Variants in NFRKB observed in about 807,000 individuals in gnomAD.
NFRKB encodes nuclear factor related to kappa-B-binding protein.
In NFRKB, 62 loss-of-function variants were observed where a neutral mutation model predicts 135.7. The observed-to-expected ratio is 0.46, with a 90% CI of 0.37 to 0.56. NFRKB has a LOEUF of 0.56. Among genes scored for constraint, NFRKB ranks in the 20% least tolerant of loss-of-function variants. NFRKB has a pLI of 0.00. For missense variants in NFRKB, 1,545 were observed against 1,662.0 expected, an observed-to-expected ratio of 0.93 and a Z score of 1.22; for synonymous variants, 678 against 635.6, an observed-to-expected ratio of 1.07 and a Z score of -1.00.
Position 129,879,248 on chromosome 11 carries a change from C to T in NFRKB, c.1385-705G>A, listed in dbSNP as rs530572876. 6.6e-5 allele frequency among the ~76,000 whole-genome samples: 10 copies of T among 152,338 alleles called. No individual in the cohort carries two copies. The South Asian group carries it at 1.0e-3, about 16-fold the overall frequency. Reference sequence around the variant, plus strand: ...TACCTTTGTTTTCATGGTCAATACACAATATCACTATTTGCAGAAACCTCC... The same window carrying T: ...TACCTTTGTTTTCATGGTCAATACATAATATCACTATTTGCAGAAACCTCC... On this transcript the variant is annotated intron_variant, in intron 13 of 26. Coordinates refer to ENST00000682444, the MANE Select transcript of NFRKB (RefSeq NM_001143835.2).
intron 22 of NFRKB, 112 bp downstream of exon 22, chr11:129,873,633 T>C (rs1251445254): frequency 6.5e-6 from 9 of 1,387,450 alleles, no homozygotes; most frequent in Non-Finnish European, 8.9e-6. Flanking sequence ...TCATCACCAG[T>C]AGCAATAATC....
Position 129,881,470 on chromosome 11 carries a change from C to G in NFRKB, c.1357G>C (p.Glu453Gln). ...SSFSPFVEFK[E>Q]KTQQWKLLGQ... ...AGCAACTTCCACTGCTGGGTTTTCTCTTTGAATTCAACAAATGGAGAGAAA... is the reference window on the plus strand; with the variant it reads ...AGCAACTTCCACTGCTGGGTTTTCTGTTTGAATTCAACAAATGGAGAGAAA... Residue 453 changes from glutamate (E) to glutamine (Q), a missense_variant, in exon 13 of 27, where the codon GAG becomes CAG. Around this residue, in one of 3 missense-constraint regions of NFRKB, gnomAD observed 678 missense variants for 646.7 expected, o/e 1.05. Transcript: ENST00000682444. 1 of 1,614,134 alleles carries G rather than the reference C, an allele frequency of 6.2e-7. No individual in the cohort carries two copies. Among genetic ancestry groups the G allele is most frequent in the Non-Finnish European group, 8.5e-7 (1 of 1,180,034 alleles).
chr11:129,874,112 C>A lies in NFRKB; in HGVS notation c.2279+1G>T. 1 of 1,552,504 alleles carries A rather than the reference C, an allele frequency of 6.4e-7. No individual in the cohort carries two copies. The highest frequency in any genetic ancestry group is 8.7e-7 in the Non-Finnish European group (1 of 1,148,868). ...AAAGCTGAAGAAAAGGAGGAACTTA[C>A]CCCGAGCTAGACTTAGCTGGTTCTG... On this transcript the variant is annotated splice_donor_variant, in intron 21 of 26. Coordinates refer to ENST00000682444, the MANE Select transcript of NFRKB (RefSeq NM_001143835.2). LOFTEE classifies it high-confidence loss of function. The surrounding 1 kb of genome is among the most constrained non-coding windows in gnomAD (Gnocchi z 4.5).
chr11:129,892,508 A>C (rs779136699), intron 3 of NFRKB, among the ~76,000 whole-genome samples: 25 of 152,342 alleles, frequency 1.6e-4, no homozygotes, highest in Admixed American at 2.6e-4. Flanking sequence ...GTTATTAAAC[A>C]TGCGGAACGT....
At chr11:129,870,346 G>A in intron 23 of NFRKB, 85 bp from the exon 24 acceptor site, 3 of 1,438,356 alleles carry the variant, frequency 2.1e-6, no homozygotes, top group Non-Finnish European at 1.9e-6. Flanking sequence ...CCGTTTCATG[G>A]GTAGATGTTT....
At chr11:129,884,315 A>AAT (rs1406463072) in intron 7 of NFRKB, among the ~76,000 whole-genome samples, 172 bp from the exon 8 acceptor site, 4 of 152,204 alleles carry the variant, frequency 2.6e-5, no homozygotes, top group Admixed American at 6.5e-5. Flanking sequence ...ATACGTTGGT[A>AAT]ATATATGACT....
At chr11:129,878,050 TA>T (rs1221544683) in intron 15 of NFRKB, among the ~76,000 whole-genome samples, 1 of 151,934 alleles carries the variant, frequency 6.6e-6, no homozygotes, top group African/African-American at 2.4e-5. Flanking sequence ...GAGTACACAT[TA>T]AAAAAGTATG....
chr11:129,869,723 G>C lies in NFRKB; in HGVS notation c.3302C>G (p.Ala1101Gly), dbSNP rs145560610. The C allele has an allele frequency of 6.2e-7, 1 of 1,614,250 alleles. No homozygotes were observed. Among genetic ancestry groups the C allele is most frequent in the African/African-American group, 1.3e-5 (1 of 75,064 alleles). The stretch of plus-strand genomic sequence containing the variant: ...GGTTGCAACGGTGATGGTCTGGCCT[G>C]CTTTGGGAGGCATCACTCCCAGTCC... ...VQGLGVMPPK[A>G]GQTITVATHA... Residue 1101 changes from alanine to glycine, a missense_variant, in exon 24 of 27, where the codon GCA becomes GGA. This residue lies in a region of NFRKB where 753 missense variants were observed against 804.3 expected (regional missense o/e 0.94). Transcript: ENST00000682444.
intron 2 of NFRKB, chr11:129,893,487 G>A (rs1949652406): frequency 8.5e-6 from 2 of 236,058 alleles, no homozygotes; most frequent in Non-Finnish European, 8.7e-6. Flanking sequence ...TTGAACACGA[G>A]ATGCAGAGGG....
intron 3 of NFRKB, among the ~76,000 whole-genome samples, 176 bp downstream of exon 3, chr11:129,892,539 C>A (rs958889766): frequency 1.3e-5 from 2 of 151,876 alleles, no homozygotes; most frequent in African/African-American, 2.4e-5. Context: ...CTTCCTTAAT[C>A]GGATATTAAA....
Position 129,870,052 on chromosome 11 carries a change from G to A in NFRKB, c.2973C>T (p.Thr991=), listed in dbSNP as rs763536605. 6.2e-7 allele frequency: 1 copy of A among 1,614,222 alleles called. No homozygotes were observed. The change falls in exon 24 of 27, where the codon ACC becomes ACT. Residue 991 remains threonine, a synonymous_variant. Transcript: ENST00000682444. ...TGCCTCCTGTCCCGAAGAGGTCCTG[G>A]GTCAATTTGACTGTGGTAACCTGGG... is the stretch of plus-strand genomic sequence containing the variant. ...AKSQVTTVKL[T]QDLFGTGGNT...
intron 11 of NFRKB, 79 bp downstream of exon 11, chr11:129,882,007 A>T: frequency 6.9e-7 from 1 of 1,452,324 alleles, no homozygotes. Context: ...TCAGAGTTCC[A>T]CTTCTCAAGC....
At chr11:129,883,393 G>A (rs1234953103) in intron 8 of NFRKB, among the ~76,000 whole-genome samples, 187 bp from the exon 9 acceptor site, 3 of 152,122 alleles carry the variant, frequency 2.0e-5, no homozygotes, top group Admixed American at 2.0e-4. Flanking sequence ...ACTTGATACT[G>A]CTGCACAGAA....
intron 24 of NFRKB, among the ~76,000 whole-genome samples, chr11:129,866,379 A>T (rs1168856716): frequency 2.6e-5 from 4 of 152,104 alleles, no homozygotes. Flanking sequence ...TGGGCACACA[A>T]TCACTATTTG....
Position 129,876,955 on chromosome 11 carries a change from T to G in NFRKB, c.1573-60A>C. On this transcript the variant is annotated intron_variant, in intron 16 of 26. Transcript: ENST00000682444. ...GAATTAGTGGGGTTCTCTCTCGGGC[T>G]TCCTTACAATATAAGCAGATCCACA... The G allele has an allele frequency of 2.0e-6, 3 of 1,475,500 alleles. No homozygotes were observed. In the South Asian group the frequency reaches 3.7e-5, roughly 18 times the overall value. 91.4% of individuals were successfully genotyped at this position (1,475,500 alleles called of 1,614,324 possible).
chr11:129,882,653 A>C, intron 9 of NFRKB, 22 bp from the exon 10 acceptor site: 8 of 1,608,960 alleles, frequency 5.0e-6, no homozygotes, highest in Non-Finnish European at 6.8e-6. Context: ...AAGTAACACC[A>C]GTCACAGAAA....
At chr11:129,892,219 C>T (rs1304849597) in intron 3 of NFRKB, among the ~76,000 whole-genome samples, 2 of 152,156 alleles carry the variant, frequency 1.3e-5, no homozygotes, top group East Asian at 1.9e-4. Context: ...CCCATCCTTC[C>T]CCCCAAGTCC....
chr11:129,870,139 T>C lies in NFRKB; in HGVS notation c.2886A>G (p.Thr962=). 1.2e-6 allele frequency: 2 copies of C among 1,614,228 alleles called. No homozygotes were observed. The highest frequency in any genetic ancestry group is 1.7e-6 in the Non-Finnish European group (2 of 1,180,042). The change falls in exon 24 of 27, where the codon ACA becomes ACG. Residue 962 remains threonine, a synonymous_variant. Transcript: ENST00000682444. The part of the protein sequence containing the change: ...VLRLPPSSIT[T]DAKGQTVLRI... ...GCAGAACCGTCTGGCCCTTGGCATCTGTGGTGATGGAAGAGGGCGGCAGAC... is the reference window on the plus strand; with the variant it reads ...GCAGAACCGTCTGGCCCTTGGCATCCGTGGTGATGGAAGAGGGCGGCAGAC...
chr11:129,888,107 G>C (rs1488209303), intron 4 of NFRKB, among the ~76,000 whole-genome samples: 1 of 152,218 alleles, frequency 6.6e-6, no homozygotes, highest in Non-Finnish European at 1.5e-5. Context: ...AATTCCTTGA[G>C]TGTGGTAACA....
Sources: gnomAD v4.1 joint callset for allele counts (sites outside exome capture counted in the v4.1 genomes callset) on GRCh38, gnomAD v4.1.1 for gene constraint, gnomAD v4.1.1 regional missense constraint, Gnocchi (gnomAD v3.1) non-coding constraint, MANE v1.5 for transcripts, NCBI Gene and HGNC (gene_info 2026-07-23, HGNC 2026-07-21) for gene names.